The following CRB1 variants were observed in gnomAD, a reference collection of about 807,000 sequenced individuals.
CRB1 encodes crumbs cell polarity complex component 1.
Under a neutral mutation model 120.0 loss-of-function variants are expected in CRB1, and 83 were observed. That is an observed-to-expected ratio of 0.69 (90% CI 0.58 to 0.83). The LOEUF (loss-of-function observed/expected upper bound fraction) is 0.83, where lower values mean the gene tolerates loss of function less well. CRB1 is among the 40% of genes least tolerant of loss of function. CRB1 has a pLI of 0.00. For missense variants in CRB1, 1,699 were observed against 1,687.6 expected (o/e 1.01, Z -0.12); for synonymous variants, 625 against 612.5 (o/e 1.02, Z -0.30).
chr1:197,366,054 T>G (rs1231620535), intron 5 of CRB1, among the ~76,000 whole-genome samples: 2 of 152,120 alleles, frequency 1.3e-5, no homozygotes, highest in African/African-American at 2.4e-5. Context: ...AAAAATTTTT[T>G]TAATGGCTTC....
chr1:197,280,624 G>A (rs1316278110), intron 1 of CRB1, among the ~76,000 whole-genome samples: 1 of 151,808 alleles, frequency 6.6e-6, no homozygotes, highest in East Asian at 1.9e-4. Context: ...ACTCTAATAG[G>A]CAGTAATGCG....
chr1:197,416,596 G>C (rs542589380), intron 5 of CRB1, among the ~76,000 whole-genome samples: 65 of 152,266 alleles, frequency 4.3e-4, no homozygotes, highest in African/African-American at 1.5e-3. Flanking sequence ...TATGGTTGCT[G>C]TCAGGTACCA....
At chr1:197,313,766 A>C (rs1377006946) in intron 1 of CRB1, among the ~76,000 whole-genome samples, 1 of 152,160 alleles carries the variant, frequency 6.6e-6, no homozygotes, top group Non-Finnish European at 1.5e-5. Flanking sequence ...ATGTTGCCGC[A>C]AATGACAGGA....
the CRB1 span, among the ~76,000 whole-genome samples, chr1:197,253,083 T>G: frequency 1.3e-5 from 2 of 152,018 alleles, no homozygotes; most frequent in Non-Finnish European, 2.9e-5. Context: ...CTCCCCTCTT[T>G]ACAATCGTTT....
At chr1:197,241,392 G>C in the CRB1 span, among the ~76,000 whole-genome samples, 1 of 152,176 alleles carries the variant, frequency 6.6e-6, no homozygotes, top group African/African-American at 2.4e-5. Context: ...GTGTAAGGAA[G>C]AGGACCAGTT....
At chr1:197,430,166 C>CA (rs1664805353) in intron 8 of CRB1, among the ~76,000 whole-genome samples, 1 of 152,256 alleles carries the variant, frequency 6.6e-6, no homozygotes, top group South Asian at 2.1e-4. Flanking sequence ...TTCTGTACTA[C>CA]AAAAAACAAT....
intron 3 of CRB1, among the ~76,000 whole-genome samples, chr1:197,345,502 C>CTTTTTTT (rs972072957): frequency 7.7e-5 from 7 of 90,604 alleles, no homozygotes; most frequent in Non-Finnish European, 8.2e-5. Context: ...AAAATAATGA[C>CTTTTTTT]TTTTTTTTTT....
intron 1 of CRB1, among the ~76,000 whole-genome samples, chr1:197,304,023 A>G (rs1480748129): frequency 6.6e-6 from 1 of 152,148 alleles, no homozygotes; most frequent in Non-Finnish European, 1.5e-5. Context: ...TAAATTAGAC[A>G]TTGTGTTTTG....
chr1:197,476,340 A>G (rs997125155), intron 11 of CRB1, among the ~76,000 whole-genome samples: 1 of 150,752 alleles, frequency 6.6e-6, no homozygotes. Context: ...CATAACACCT[A>G]TCTGTAATGT....
intron 5 of CRB1, among the ~76,000 whole-genome samples, chr1:197,407,424 A>G (rs1663470924): frequency 6.6e-6 from 1 of 152,220 alleles, no homozygotes; most frequent in African/African-American, 2.4e-5. Context: ...TTTTTTAGGA[A>G]CAGTTTAAAT....
At chr1:197,372,801 G>C (rs543433178) in intron 5 of CRB1, among the ~76,000 whole-genome samples, 116 of 152,180 alleles carry the variant, frequency 7.6e-4, no homozygotes, top group African/African-American at 2.7e-3. Flanking sequence ...GGCAGTTCAG[G>C]AGCTTCCATT....
the CRB1 span, among the ~76,000 whole-genome samples, chr1:197,202,371 C>A: frequency 6.6e-6 from 1 of 152,158 alleles, no homozygotes; most frequent in Non-Finnish European, 1.5e-5. Context: ...AGATTCATAT[C>A]ACCTGTGAGA....
chr1:197,428,430 T>C (rs1014937323), intron 7 of CRB1, among the ~76,000 whole-genome samples: 1 of 152,262 alleles, frequency 6.6e-6, no homozygotes. Flanking sequence ...AAGAGAAATC[T>C]GAGAGGTAAT....
chr1:197,219,203 A>C, the CRB1 span, among the ~76,000 whole-genome samples: 1,907 of 152,344 alleles, frequency 0.013, 44 homozygotes, highest in African/African-American at 0.044. Context: ...GTTTTTAAAA[A>C]TCTGACTCAT....
chr1:197,345,701 T>C (rs1369817801), intron 3 of CRB1, among the ~76,000 whole-genome samples: 1 of 151,692 alleles, frequency 6.6e-6, no homozygotes, highest in African/African-American at 2.4e-5. Flanking sequence ...AGAGATAGGG[T>C]TTCACCATGT....
At chr1:197,284,348 G>A (rs2125225412) in intron 1 of CRB1, among the ~76,000 whole-genome samples, 1 of 151,976 alleles carries the variant, frequency 6.6e-6, no homozygotes, top group Middle Eastern at 3.4e-3. Context: ...AAGGAATAAA[G>A]CTGATTGAAT....
At chr1:197,466,233 G>T (rs1288946531) in intron 11 of CRB1, among the ~76,000 whole-genome samples, 3 of 152,182 alleles carry the variant, frequency 2.0e-5, no homozygotes, top group African/African-American at 7.2e-5. Flanking sequence ...CATTGGCTCT[G>T]CTCTGAGGCA....
intron 11 of CRB1, among the ~76,000 whole-genome samples, chr1:197,459,971 T>C (rs1211918636): frequency 6.6e-6 from 1 of 151,132 alleles, no homozygotes; most frequent in African/African-American, 2.4e-5. Flanking sequence ...AGGCATAGTT[T>C]TGTTAGTAAG....
At chr1:197,259,354 A>T in the CRB1 span, among the ~76,000 whole-genome samples, 3 of 152,266 alleles carry the variant, frequency 2.0e-5, no homozygotes, top group African/African-American at 7.2e-5. Flanking sequence ...AGGCATAAAA[A>T]GGAATGAGAT....
Sources: gnomAD v4.1 joint callset for allele counts (sites outside exome capture counted in the v4.1 genomes callset) on GRCh38, gnomAD v4.1.1 for gene constraint, MANE v1.5 for transcripts, NCBI Gene and HGNC (gene_info 2026-07-23, HGNC 2026-07-21) for gene names.